Variants in NTM observed in about 807,000 individuals in gnomAD.
NTM encodes IgLON family member 2.
A neutral mutation model predicts 42.1 loss-of-function variants in NTM; 13 were observed. The observed-to-expected ratio is 0.31, with a 90% CI of 0.20 to 0.49. NTM has a LOEUF of 0.49. NTM is among the 20% of genes least tolerant of loss of function. NTM has a pLI of 0.99. For missense variants in NTM, 373 were observed against 452.8 expected, an observed-to-expected ratio of 0.82 and a Z score of 1.60; for synonymous variants, 187 against 179.2, an observed-to-expected ratio of 1.04 and a Z score of -0.35.
chr11:131,647,157 A>G (rs889571793), intron 1 of NTM, among the ~76,000 whole-genome samples: 25 of 152,148 alleles, frequency 1.6e-4, no homozygotes, highest in Non-Finnish European at 8.8e-5. Flanking sequence ...TTCCTTAACT[A>G]AAGGTCAAGG....
intron 4 of NTM, among the ~76,000 whole-genome samples, chr11:132,278,600 C>A (rs922379819): frequency 2.6e-5 from 4 of 152,130 alleles, no homozygotes; most frequent in Non-Finnish European, 4.4e-5. Context: ...ATATTCTCCA[C>A]CTCTCAGTGG....
intron 2 of NTM, among the ~76,000 whole-genome samples, chr11:132,042,933 C>T (rs2077399335): frequency 6.6e-6 from 1 of 152,090 alleles, no homozygotes; most frequent in African/African-American, 2.4e-5. Flanking sequence ...ATAGTTGGTG[C>T]ACAAAATAAA....
intron 1 of NTM, among the ~76,000 whole-genome samples, chr11:131,627,181 A>G (rs2063190101): frequency 6.6e-6 from 1 of 152,038 alleles, no homozygotes; most frequent in African/African-American, 2.4e-5. Context: ...TCTTGGTTGG[A>G]AATTGCTATT....
chr11:132,222,891 C>T (rs1422063421), intron 4 of NTM, among the ~76,000 whole-genome samples: 3 of 152,142 alleles, frequency 2.0e-5, no homozygotes, highest in African/African-American at 4.8e-5. Context: ...ATTTGCAGCC[C>T]GGGAGGCGTT....
intron 1 of NTM, among the ~76,000 whole-genome samples, chr11:131,437,838 G>T (rs544297238): frequency 5.3e-5 from 8 of 152,270 alleles, no homozygotes; most frequent in African/African-American, 7.2e-5. Flanking sequence ...ATGTCAGCTG[G>T]TTATTTTGCC....
intron 1 of NTM, among the ~76,000 whole-genome samples, chr11:131,583,545 A>C (rs2058599948): frequency 1.3e-5 from 2 of 152,192 alleles, no homozygotes; most frequent in Non-Finnish European, 2.9e-5. Context: ...CAGAAGAGTA[A>C]TCGCGCCTTA....
chr11:131,394,471 A>AAGACTGAGTAGGGACTCAGG (rs1944339300), intron 1 of NTM, among the ~76,000 whole-genome samples: 1 of 152,116 alleles, frequency 6.6e-6, no homozygotes, highest in Admixed American at 6.5e-5. Flanking sequence ...CTATGGAGAG[A>AAGACTGAGTAGGGACTCAGG]AGACTGAGTA....
chr11:132,334,103 G>A (rs1307329405), intron 8 of NTM, among the ~76,000 whole-genome samples: 1 of 152,248 alleles, frequency 6.6e-6, no homozygotes, highest in Admixed American at 6.5e-5. Flanking sequence ...CTGGTTCCTT[G>A]AGTAGCTAAT....
At chr11:132,215,985 C>T (rs542311094) in intron 4 of NTM, among the ~76,000 whole-genome samples, 2 of 152,350 alleles carry the variant, frequency 1.3e-5, no homozygotes, top group South Asian at 2.1e-4. Flanking sequence ...GGAACCCTAA[C>T]CTTCTGTAGG....
intron 2 of NTM, among the ~76,000 whole-genome samples, chr11:131,943,505 T>C (rs1210894824): frequency 6.6e-6 from 1 of 152,316 alleles, no homozygotes; most frequent in South Asian, 2.1e-4. Flanking sequence ...GAGTCCACCC[T>C]CCAGGTGTCT....
chr11:131,643,357 C>A (rs777731921), intron 1 of NTM, among the ~76,000 whole-genome samples: 5 of 152,208 alleles, frequency 3.3e-5, no homozygotes, highest in Non-Finnish European at 5.9e-5. Context: ...AGCCTGCTGA[C>A]GGTTCCAGCA....
chr11:131,706,321 G>C (rs1279019080), intron 1 of NTM, among the ~76,000 whole-genome samples: 1 of 151,952 alleles, frequency 6.6e-6, no homozygotes, highest in Non-Finnish European at 1.5e-5. Flanking sequence ...CAGTATTGGA[G>C]CACCTAGATA....
chr11:131,514,215 T>C (rs1464438134), intron 1 of NTM, among the ~76,000 whole-genome samples: 1 of 152,208 alleles, frequency 6.6e-6, no homozygotes, highest in Non-Finnish European at 1.5e-5. Context: ...CGCCCTGATA[T>C]GTCCAGTCTC....
chr11:132,144,287 A>T (rs924518154), intron 2 of NTM, among the ~76,000 whole-genome samples: 2 of 152,202 alleles, frequency 1.3e-5, no homozygotes, highest in African/African-American at 4.8e-5. Context: ...GCAGAATCCA[A>T]GGCCCTACCT....
At position 131,694,894 on chromosome 11, in the gene NTM, C is replaced by A. The variant is rs2075246431; in HGVS notation, c.83-216670C>A. 4.6e-5 allele frequency among the ~76,000 whole-genome samples: 7 copies of A among 152,316 alleles called. No homozygotes were observed. In the South Asian group the frequency reaches 1.5e-3, roughly 32 times the overall value. On this transcript the variant is annotated intron_variant, in intron 1 of 8. Transcript: ENST00000683400. ...AATCTGGAACTCGCAGAGAAACTGCCTGCCCTTGGGACTCGCTCAGCGCCC... is the reference window on the plus strand; with the variant it reads ...AATCTGGAACTCGCAGAGAAACTGCATGCCCTTGGGACTCGCTCAGCGCCC...
chr11:131,429,965 A>AC (rs1948516267), intron 1 of NTM, among the ~76,000 whole-genome samples: 1 of 152,180 alleles, frequency 6.6e-6, no homozygotes, highest in African/African-American at 2.4e-5. Context: ...TAGGACAGGA[A>AC]CTGTATCTTG....
chr11:131,817,153 C>G (rs1193537397), intron 1 of NTM, among the ~76,000 whole-genome samples: 1 of 152,184 alleles, frequency 6.6e-6, no homozygotes, highest in Non-Finnish European at 1.5e-5. Context: ...GTTTTGGTCT[C>G]TCCATGATTA....
At chr11:131,468,807 A>G (rs1421499270) in intron 1 of NTM, among the ~76,000 whole-genome samples, 1 of 152,162 alleles carries the variant, frequency 6.6e-6, no homozygotes, top group African/African-American at 2.4e-5. Context: ...CCAGCTAGGA[A>G]CTTTCTGTTT....
intron 1 of NTM, among the ~76,000 whole-genome samples, chr11:131,472,937 C>A (rs375613314): frequency 6.6e-6 from 1 of 152,100 alleles, no homozygotes; most frequent in Non-Finnish European, 1.5e-5. Context: ...TGACTAATTA[C>A]TCCGTGAAAT....
Sources: allele counts gnomAD v4.1 joint callset (sites outside exome capture counted in the v4.1 genomes callset), GRCh38; gene constraint gnomAD v4.1.1; transcripts MANE v1.5; gene names NCBI Gene and HGNC (gene_info 2026-07-23, HGNC 2026-07-21).